Variants in SMYD4 observed in about 807,000 individuals in gnomAD.
SMYD4 encodes protein-lysine N-methyltransferase SMYD4.
In SMYD4, 68 loss-of-function variants were observed where a neutral mutation model predicts 72.8. The observed-to-expected ratio is 0.93, with a 90% CI of 0.77 to 1.14. SMYD4 has a LOEUF of 1.14. Ranked by LOEUF, SMYD4 falls within the 50% of genes most tolerant of loss-of-function variation. SMYD4 has a pLI of 0.00. For synonymous variants in SMYD4, 407 were observed against 388.6 expected (o/e 1.05, Z -0.56); for missense variants, 984 against 1,003.7 (o/e 0.98, Z 0.27).
At chr17:1,824,371 C>G (rs554793057) in intron 2 of SMYD4, among the ~76,000 whole-genome samples, 2 of 152,216 alleles carry the variant, frequency 1.3e-5, no homozygotes, top group South Asian at 4.1e-4. Context: ...ATAAAATACA[C>G]TATAAAGTCA....
intron 5 of SMYD4, among the ~76,000 whole-genome samples, chr17:1,788,527 C>T (rs969898414): frequency 2.6e-5 from 4 of 152,006 alleles, no homozygotes; most frequent in South Asian, 2.1e-4. Context: ...GGGCAGATCA[C>T]AAGGTCAGGA....
At chr17:1,828,545 GGTTATACAAAGAC>G (rs1231593148) in intron 1 of SMYD4, among the ~76,000 whole-genome samples, 1 of 150,806 alleles carries the variant, frequency 6.6e-6, no homozygotes, top group Non-Finnish European at 1.5e-5. Context: ...TGCAGGTGAT[GGTTATACAAAGAC>G]GAAGCAGACT....
intron 2 of SMYD4, among the ~76,000 whole-genome samples, chr17:1,818,969 T>TAA (rs1910764979): frequency 6.6e-6 from 1 of 151,902 alleles, no homozygotes; most frequent in Non-Finnish European, 1.5e-5. Context: ...TTTTAATGAG[T>TAA]AATTTTTTTT....
intron 1 of SMYD4, chr17:1,829,365 C>G: frequency 6.6e-6 from 1 of 152,340 alleles, no homozygotes; most frequent in East Asian, 1.9e-4. Flanking sequence ...TTATGGAGTC[C>G]ACCTGGAAAA....
chr17:1,787,011 G>C (rs117380376), intron 6 of SMYD4, 38 bp from the exon 7 acceptor site: 7 of 1,064,912 alleles, frequency 6.6e-6, no homozygotes, highest in Non-Finnish European at 7.3e-6. Flanking sequence ...TTGAAAGCAA[G>C]AGAGAGTCAA....
chr17:1,827,176 A>G (rs967850472), intron 2 of SMYD4, among the ~76,000 whole-genome samples: 1 of 151,480 alleles, frequency 6.6e-6, no homozygotes, highest in Admixed American at 6.6e-5. Flanking sequence ...TAAAATAAAA[A>G]TAAATAAATA....
At chr17:1,791,083 C>T (rs1055032944) in intron 5 of SMYD4, among the ~76,000 whole-genome samples, 7 of 143,144 alleles carry the variant, frequency 4.9e-5, no homozygotes, top group African/African-American at 7.7e-5. Flanking sequence ...GCCGAGATCG[C>T]GCCACTGCAC....
Position 1,804,706 on chromosome 17 carries a change from G to A in SMYD4, c.289C>T (p.His97Tyr). ...AAVLYSKGVSHSRPNTEDMSL... is the reference protein window; with the variant it reads ...AAVLYSKGVSYSRPNTEDMSL... ...ATGTCCTCAGTGTTAGGCCTTGAAT[G>A]TGACACTCCCTGCAAAACAATGAAC... is the stretch of plus-strand genomic sequence containing the variant. Residue 97 changes from histidine (H) to tyrosine (Y), a missense_variant, in exon 4 of 11, where the codon CAT becomes TAT. Coordinates refer to ENST00000305513, the MANE Select transcript of SMYD4 (RefSeq NM_052928.3). 7 of 1,613,310 alleles carry A rather than the reference G, an allele frequency of 4.3e-6. No individual in the cohort carries two copies. Among genetic ancestry groups the A allele is most frequent in the Non-Finnish European group, 5.9e-6 (7 of 1,179,464 alleles).
chr17:1,783,852 T>A, intron 8 of SMYD4: 1 of 315,020 alleles, frequency 3.2e-6, no homozygotes, highest in Non-Finnish European at 6.0e-6. Context: ...AAGGCAGGGT[T>A]TTCAAGGGCA....
intron 3 of SMYD4, among the ~76,000 whole-genome samples, chr17:1,806,016 C>T (rs1910013839): frequency 1.3e-5 from 2 of 150,854 alleles, no homozygotes; most frequent in Non-Finnish European, 3.0e-5. Context: ...CTCCAACTCC[C>T]GGGTTCGCGC....
At chr17:1,785,439 G>GAAAAAAAAAAAAAAAAAA (rs56261871) in intron 7 of SMYD4, among the ~76,000 whole-genome samples, 1 of 124,552 alleles carries the variant, frequency 8.0e-6, no homozygotes, top group Non-Finnish European at 1.7e-5. Flanking sequence ...AAAAGAAAAA[G>GAAAAAAAAAAAAAAAAAA]AAAAAAAAAA....
rs754562436 is a variant in SMYD4 at position 1,804,591 on chromosome 17, T to TCCTGTCCTCTCATACCAGGTATCCTGATA, written c.369+6_369+34dup. 2.6e-5 allele frequency: 41 copies of TCCTGTCCTCTCATACCAGGTATCCTGATA among 1,592,156 alleles called. No individual in the cohort carries two copies. The South Asian group carries it at 4.2e-4, about 16-fold the overall frequency. ...GTCCTCCAGTAAGAAGCCCTCCGGA[T>TCCTGTCCTCTCATACCAGGTATCCTGATA]CCTGTCCTCTCATACCAGGTATCCT... On this transcript the variant is annotated intron_variant, in intron 4 of 10. Coordinates refer to ENST00000305513, the MANE Select transcript of SMYD4 (RefSeq NM_052928.3).
At chr17:1,806,575 A>G (rs753008853) in intron 3 of SMYD4, among the ~76,000 whole-genome samples, 3 of 152,194 alleles carry the variant, frequency 2.0e-5, no homozygotes, top group Non-Finnish European at 4.4e-5. Flanking sequence ...GCCTCATACA[A>G]TCAATAAAAT....
chr17:1,791,706 T>C (rs183145873), intron 5 of SMYD4, among the ~76,000 whole-genome samples: 58 of 152,204 alleles, frequency 3.8e-4, no homozygotes, highest in African/African-American at 1.3e-3. Flanking sequence ...CTCTTATCAT[T>C]TGAATTATCT....
At chr17:1,812,229 A>T in intron 2 of SMYD4, 114 bp from the exon 3 acceptor site, 1 of 1,171,836 alleles carries the variant, frequency 8.5e-7, no homozygotes, top group South Asian at 1.4e-5. Flanking sequence ...CACACACATG[A>T]GGATATGTAC....
chr17:1,780,019 G>C lies in SMYD4; in HGVS notation c.*1267C>G, dbSNP rs1908286394. 6.6e-6 allele frequency: 1 copy of C among 152,494 alleles called. No individual in the cohort carries two copies. The highest frequency in any genetic ancestry group is 2.4e-5 in the African/African-American group (1 of 41,436). 9.4% of individuals were successfully genotyped at this position (152,494 alleles called of 1,614,324 possible). On this transcript the variant is annotated 3_prime_UTR_variant, in exon 11 of 11. Coordinates refer to ENST00000305513, the MANE Select transcript of SMYD4 (RefSeq NM_052928.3). The stretch of plus-strand genomic sequence containing the variant: ...AGCTAAAATCCTTTTAAAGGACTTG[G>C]AATCTCCAGATACTAGTTTTAAGTC...
Position 1,783,039 on chromosome 17 carries a change from TG to T in SMYD4, c.2256del (p.Phe752LeufsTer10). 6.2e-7 allele frequency: 1 copy of T among 1,613,768 alleles called. No homozygotes were observed. The highest frequency in any genetic ancestry group is 1.6e-4 in the Middle Eastern group (1 of 6,062). ...TGAAGTGGGAAAGGGACTCACCCGTTGAAAAAGATCTGGGCCAATTTGAAGA... is the reference window on the plus strand; with the variant it reads ...TGAAGTGGGAAAGGGACTCACCCGTTAAAAAGATCTGGGCCAATTTGAAGA... ...HELFKLAQIF[F>X]NGFAVPEALS... On this transcript the variant is annotated frameshift_variant, in exon 10 of 11. Coordinates refer to ENST00000305513, the MANE Select transcript of SMYD4 (RefSeq NM_052928.3). LOFTEE classifies it high-confidence loss of function.
chr17:1,782,816 C>T (rs1290572601), intron 10 of SMYD4: 3 of 388,536 alleles, frequency 7.7e-6, no homozygotes, highest in East Asian at 5.5e-5. Flanking sequence ...GCCCAGGCTA[C>T]AGTGCAGTGG....
intron 3 of SMYD4, among the ~76,000 whole-genome samples, chr17:1,805,839 AATAT>A (rs10560052): frequency 1.3e-5 from 2 of 148,178 alleles, no homozygotes; most frequent in Non-Finnish European, 1.5e-5. Context: ...ATAAAATAAT[AATAT>A]ATATATATAT....
Sources: allele counts gnomAD v4.1 joint callset (sites outside exome capture counted in the v4.1 genomes callset), GRCh38; gene constraint gnomAD v4.1.1; transcripts MANE v1.5; gene names NCBI Gene and HGNC (gene_info 2026-07-23, HGNC 2026-07-21).